Variants in RAB44 observed in about 807,000 individuals in gnomAD.
RAB44 encodes the protein RAB44, member RAS oncogene family.
In RAB44, 67 loss-of-function variants were observed where a neutral mutation model predicts 93.3. The ratio of observed to expected loss-of-function variants is 0.72; its 90% CI spans 0.59 to 0.88. The LOEUF is 0.88. Among genes scored for constraint, RAB44 ranks in the 40% least tolerant of loss-of-function variants. The pLI is 0.00. For missense variants in RAB44, 1,064 were observed against 1,261.7 expected, an observed-to-expected ratio of 0.84 and a Z score of 2.37; for synonymous variants, 427 against 520.3, an observed-to-expected ratio of 0.82 and a Z score of 2.44.
Position 36,727,630 on chromosome 6 carries a change from T to C in RAB44, c.2735T>C (p.Met912Thr). The C allele has an allele frequency of 3.2e-6, 5 of 1,550,624 alleles. No homozygotes were observed. Among genetic ancestry groups the C allele is most frequent in the South Asian group, 1.2e-5 (1 of 84,068 alleles). ...LLRKADGVVL[M>T]YDITSQESFA... ...CGCAAGGCTGACGGGGTGGTGCTCA[T>C]GTACGACATCACCTCCCAGGAGAGC... Residue 912 changes from methionine (M) to threonine (T), a missense_variant, in exon 11 of 14, where the codon ATG (methionine) becomes ACG (threonine). Physicochemically the swap from Met to Thr is moderately conservative, Grantham distance 81. Transcript: ENST00000612677.
At position 36,704,426 on chromosome 6, in the gene RAB44, C is replaced by T. The variant is rs1762590929; in HGVS notation, c.191C>T (p.Thr64Ile). ...GGTGCCAAGGAGAGGGGCTTTGTCA[C>T]CCGCGAGGACCTGGCGGTGAGCCCA... ...DCGAKERGFV[T>I]REDLAVAKFS... Residue 64 changes from threonine to isoleucine, a missense_variant, in exon 2 of 14, where the codon ACC becomes ATC. Transcript: ENST00000612677. The T allele has an allele frequency of 3.3e-6, 5 of 1,535,454 alleles. No homozygotes were observed. Among genetic ancestry groups the T allele is most frequent in the African/African-American group, 1.4e-5 (1 of 72,996 alleles).
Position 36,721,433 on chromosome 6 carries a change from G to A in RAB44, c.1299G>A (p.Arg433=). The change falls in exon 9 of 14, where the codon AGG becomes AGA. Residue 433 remains arginine (R), a synonymous_variant. Transcript: ENST00000612677. ...EPSSDPDGAP[R]TPPGVTFSAK... is the part of the protein sequence containing the mutation. ...CTTCAGATCCAGATGGGGCTCCAAGGACCCCACCTGGGGTGACTTTCAGCG... is the reference window on the plus strand; with the variant it reads ...CTTCAGATCCAGATGGGGCTCCAAGAACCCCACCTGGGGTGACTTTCAGCG... 8 of 1,234,396 alleles carry A rather than the reference G, an allele frequency of 6.5e-6. No homozygotes were observed. The highest frequency in any genetic ancestry group is 8.1e-6 in the Non-Finnish European group (8 of 988,232). 76.5% of individuals were successfully genotyped at this position (1,234,396 alleles called of 1,614,324 possible).
rs917244870 is a variant in RAB44, at chr6:36,717,202, G to C, written c.495-71G>C. 2.5e-6 allele frequency: 3 copies of C among 1,220,408 alleles called. No individual in the cohort carries two copies. The highest frequency in any genetic ancestry group is 1.0e-6 in the Non-Finnish European group (1 of 977,830). 75.6% of individuals were successfully genotyped at this position (1,220,408 alleles called of 1,614,324 possible). Reference sequence around the variant, plus strand: ...AGCGCTGCAGTGAAAACTGAGGAGTGGGGCTCCCCTTGCTTCTCCATCCCA... The same window carrying C: ...AGCGCTGCAGTGAAAACTGAGGAGTCGGGCTCCCCTTGCTTCTCCATCCCA... On this transcript the variant is annotated intron_variant, in intron 4 of 13. Coordinates refer to ENST00000612677, the MANE Select transcript of RAB44 (RefSeq NM_001257357.2). This position sits in a 1 kb window ranked among gnomAD's most constrained non-coding sequence, Gnocchi z 4.1.
Position 36,704,328 on chromosome 6 carries a change from T to C in RAB44, c.93T>C (p.Ala31=). The C allele has an allele frequency of 6.5e-7, 1 of 1,536,110 alleles. No homozygotes were observed. The change falls in exon 2 of 14, where the codon GCT becomes GCC. Residue 31 remains alanine, a synonymous_variant. Transcript: ENST00000612677. ...GAGAGCCAGCTGATGGTGAAGGCGC[T>C]GCAGTGGCCCCAGAGCCAGAGTCTT... ...QTREPADGEG[A]AVAPEPESWS... is the part of the protein sequence containing the mutation.
intron 9 of RAB44, among the ~76,000 whole-genome samples, chr6:36,723,173 AGT>A (rs1763140688): frequency 6.6e-6 from 1 of 152,212 alleles, no homozygotes; most frequent in South Asian, 2.1e-4. Context: ...GTATTTGTAG[AGT>A]GTGGTAAATT....
chr6:36,722,305 C>T lies in RAB44; in HGVS notation c.2171C>T (p.Thr724Ile), dbSNP rs1180977968. ...DSLLVSLPSA[T>I]PQAQVEAEGP... is the part of the protein sequence containing the mutation. The stretch of plus-strand genomic sequence containing the variant: ...CTGCTTGTTTCTCTCCCATCTGCCA[C>T]ACCACAGGCTCAGGTGGAAGCAGAA... The change falls in exon 9 of 14, where the codon ACA becomes ATA. Residue 724 changes from threonine (T) to isoleucine (I), a missense_variant. Thr to Ile is a moderately conservative substitution (Grantham distance 89). Transcript: ENST00000612677. 1 of 1,311,060 alleles carries T rather than the reference C, an allele frequency of 7.6e-7. No individual in the cohort carries two copies. The highest frequency in any genetic ancestry group is 2.8e-5 in the East Asian group (1 of 35,388). 81.2% of individuals were successfully genotyped at this position (1,311,060 alleles called of 1,614,324 possible).
In RAB44 at chr6:36,720,272, G is replaced by A. The variant is rs1017974061; in HGVS notation, c.829-91G>A. ...GGGTCTCCAGGAGCCTGGACAGGGG[G>A]TGGGGGTCTGTGTCCCACAATGGCC... On this transcript the variant is annotated intron_variant, in intron 7 of 13. Coordinates refer to ENST00000612677, the MANE Select transcript of RAB44 (RefSeq NM_001257357.2). The A allele has an allele frequency of 4.6e-6, 5 of 1,081,468 alleles. No individual in the cohort carries two copies. The African/African-American group carries it at 4.9e-5, about 11-fold the overall frequency. The allele number at this position is 1,081,468 out of a possible 1,614,324, so 67.0% of individuals were successfully genotyped here.
intron 2 of RAB44, among the ~76,000 whole-genome samples, chr6:36,709,702 C>A (rs144303667): frequency 2.0e-5 from 3 of 152,240 alleles, no homozygotes; most frequent in East Asian, 1.9e-4. Flanking sequence ...ATTACAGACG[C>A]CCGCCACCAT....
At chr6:36,723,988 A>C (rs914875375) in intron 9 of RAB44, among the ~76,000 whole-genome samples, 5 of 151,876 alleles carry the variant, frequency 3.3e-5, no homozygotes, top group African/African-American at 1.2e-4. Context: ...CCCACAAGAG[A>C]GGCCTGGGGC....
Position 36,732,776 on chromosome 6 carries a change from C to T in RAB44, c.*683C>T, listed in dbSNP as rs1763390240. On this transcript the variant is annotated 3_prime_UTR_variant, in exon 14 of 14. Transcript: ENST00000612677. Reference sequence around the variant, plus strand: ...GCCCTCCTGTCTTCCAGAGCCCCAACCTCACTCCCTTTCCCCACCATACAA... The same window carrying T: ...GCCCTCCTGTCTTCCAGAGCCCCAATCTCACTCCCTTTCCCCACCATACAA... 6.6e-6 allele frequency: 1 copy of T among 152,260 alleles called. No individual in the cohort carries two copies. The highest frequency in any genetic ancestry group is 1.5e-5 in the Non-Finnish European group (1 of 68,092). 9.4% of individuals were successfully genotyped at this position (152,260 alleles called of 1,614,324 possible). A position where few individuals can be genotyped will look rare whatever the true frequency, so the allele number is the denominator to read the frequency against.
chr6:36,711,432 G>C (rs1307871667), intron 2 of RAB44, among the ~76,000 whole-genome samples: 1 of 152,164 alleles, frequency 6.6e-6, no homozygotes, highest in Non-Finnish European at 1.5e-5. Context: ...AGAAAAGACA[G>C]ATAGCTATTA....
At chr6:36,713,195 T>C (rs1252025734) in intron 2 of RAB44, among the ~76,000 whole-genome samples, 2 of 152,216 alleles carry the variant, frequency 1.3e-5, no homozygotes, top group Non-Finnish European at 2.9e-5. Context: ...TCATTGACTT[T>C]TTTATTTTTA....
chr6:36,714,686 G>A (rs1393344899), intron 3 of RAB44, among the ~76,000 whole-genome samples: 5 of 152,320 alleles, frequency 3.3e-5, no homozygotes, highest in East Asian at 3.9e-4. Flanking sequence ...CCGGTGGGGC[G>A]CAGAGGGAGC....
chr6:36,704,549 C>CT, intron 2 of RAB44, 107 bp downstream of exon 2: 1 of 1,031,940 alleles, frequency 9.7e-7, no homozygotes, highest in African/African-American at 1.6e-5. Context: ...GCCCCTTTCT[C>CT]TCATTTAGAG....
intron 1 of RAB44, among the ~76,000 whole-genome samples, chr6:36,702,163 T>C (rs1762523927): frequency 6.6e-6 from 1 of 152,106 alleles, no homozygotes; most frequent in Non-Finnish European, 1.5e-5. Flanking sequence ...CAGTGGCTGA[T>C]GCCAAGCTGC....
intron 2 of RAB44, among the ~76,000 whole-genome samples, chr6:36,706,644 A>G (rs919959032): frequency 6.6e-6 from 1 of 152,248 alleles, no homozygotes; most frequent in Non-Finnish European, 1.5e-5. Flanking sequence ...ATCCAATTAT[A>G]TCTTGATAAA....
chr6:36,721,636 A>G lies in RAB44; in HGVS notation c.1502A>G (p.Asp501Gly). ...TTCAAAGTGCTCATTCCTTTGGAGGATGGGCCCCCTCCCCCTGCGAACTCT... is the reference window on the plus strand; with the variant it reads ...TTCAAAGTGCTCATTCCTTTGGAGGGTGGGCCCCCTCCCCCTGCGAACTCT... ...PAFKVLIPLE[D>G]GPPPPANSPP... The change falls in exon 9 of 14, where the codon GAT becomes GGT. Residue 501 changes from aspartate to glycine, a missense_variant. Transcript: ENST00000612677. 1 of 1,234,440 alleles carries G rather than the reference A, an allele frequency of 8.1e-7. No individual in the cohort carries two copies. The highest frequency in any genetic ancestry group is 1.0e-6 in the Non-Finnish European group (1 of 988,370). The allele number at this position is 1,234,440 out of a possible 1,614,324, so 76.5% of individuals were successfully genotyped here.
chr6:36,725,722 C>T, intron 9 of RAB44, 140 bp from the exon 10 acceptor site: 1 of 643,936 alleles, frequency 1.6e-6, no homozygotes, highest in Non-Finnish European at 2.9e-6. Context: ...GGATGGGATG[C>T]AGAGCCGAGG....
At chr6:36,727,720 C>T in intron 11 of RAB44, 29 bp downstream of exon 11, 2 of 1,395,288 alleles carry the variant, frequency 1.4e-6, no homozygotes, top group South Asian at 1.2e-5. Context: ...GGGTTGGCCC[C>T]AGTCCCTCCA....
Sources: gnomAD v4.1 joint callset for allele counts (sites outside exome capture counted in the v4.1 genomes callset) on GRCh38, gnomAD v4.1.1 for gene constraint, Gnocchi (gnomAD v3.1) non-coding constraint, MANE v1.5 for transcripts, NCBI Gene and HGNC (gene_info 2026-07-23, HGNC 2026-07-21) for gene names.